The following NALF1 variants were observed in gnomAD, a reference collection of about 807,000 sequenced individuals.
NALF1 encodes the protein NALCN channel auxiliary factor 1.
NALF1 carries 3 observed loss-of-function variants against 48.4 expected under a neutral mutation model. The ratio of observed to expected loss-of-function variants is 0.06; its 90% confidence interval spans 0.03 to 0.16. NALF1 has a LOEUF of 0.16. Ranked by LOEUF, NALF1 falls within the 10% of genes least tolerant of loss-of-function variation. The probability of loss-of-function intolerance (pLI) is 1.00; values close to 1 mark genes in which losing one functional copy is unlikely to be tolerated. For missense variants in NALF1, 526 were observed against 571.5 expected, an observed-to-expected ratio of 0.92 and a Z score of 0.81; for synonymous variants, 262 against 245.7, an observed-to-expected ratio of 1.07 and a Z score of -0.62.
chr13:107,810,947 G>A (rs1257379389), intron 1 of NALF1, among the ~76,000 whole-genome samples: 1 of 152,032 alleles, frequency 6.6e-6, no homozygotes, highest in Non-Finnish European at 1.5e-5. Flanking sequence ...CCACTTATAT[G>A]TGCAAACATA....
chr13:107,400,007 T>C (rs1032858889), intron 1 of NALF1, among the ~76,000 whole-genome samples: 22 of 152,026 alleles, frequency 1.4e-4, no homozygotes, highest in African/African-American at 4.1e-4. Flanking sequence ...TGGTGTATAA[T>C]AAAAAAAGAC....
At chr13:107,304,197 C>T (rs1881893481) in intron 1 of NALF1, among the ~76,000 whole-genome samples, 1 of 152,126 alleles carries the variant, frequency 6.6e-6, no homozygotes, top group Admixed American at 6.6e-5. Flanking sequence ...CATCTGACCA[C>T]CTTCATGTGC....
intron 1 of NALF1, among the ~76,000 whole-genome samples, chr13:107,353,252 G>C (rs763176533): frequency 9.2e-5 from 14 of 152,300 alleles, no homozygotes; most frequent in Non-Finnish European, 1.8e-4. Context: ...TAATAAATTT[G>C]TATCCCTTTT....
At chr13:107,785,751 C>G (rs1479456496) in intron 1 of NALF1, among the ~76,000 whole-genome samples, 1 of 152,112 alleles carries the variant, frequency 6.6e-6, no homozygotes, top group East Asian at 1.9e-4. Context: ...ATAATGGTTC[C>G]CCTTTACAGA....
intron 1 of NALF1, among the ~76,000 whole-genome samples, chr13:107,236,663 ATCTG>A (rs199721704): frequency 8.9e-4 from 123 of 138,130 alleles, no homozygotes; most frequent in South Asian, 3.4e-3. Context: ...CTATCTATCC[ATCTG>A]TCTGTCTATC....
At chr13:107,425,449 A>AT (rs1420909926) in intron 1 of NALF1, among the ~76,000 whole-genome samples, 1 of 152,136 alleles carries the variant, frequency 6.6e-6, no homozygotes, top group Admixed American at 6.5e-5. Context: ...CTCATTTATT[A>AT]TTTTTTAAAG....
At chr13:107,671,337 C>CA in intron 1 of NALF1, among the ~76,000 whole-genome samples, 1 of 151,838 alleles carries the variant, frequency 6.6e-6, no homozygotes, top group South Asian at 2.1e-4. Context: ...TTTCATATAA[C>CA]AAAAATATAT....
At chr13:107,803,380 G>A (rs542243825) in intron 1 of NALF1, among the ~76,000 whole-genome samples, 1 of 152,118 alleles carries the variant, frequency 6.6e-6, no homozygotes, top group African/African-American at 2.4e-5. Flanking sequence ...ATTAGTGAGA[G>A]CCAACTGGCA....
chr13:107,346,294 A>G (rs1882771651), intron 1 of NALF1, among the ~76,000 whole-genome samples: 1 of 152,196 alleles, frequency 6.6e-6, no homozygotes, highest in African/African-American at 2.4e-5. Context: ...CAAAAGAATT[A>G]AAAACAGGAT....
intron 1 of NALF1, among the ~76,000 whole-genome samples, chr13:107,323,742 C>G: frequency 6.6e-6 from 1 of 152,160 alleles, no homozygotes; most frequent in East Asian, 1.9e-4. Flanking sequence ...TGAAAACATT[C>G]CATTGTGCTT....
intron 1 of NALF1, among the ~76,000 whole-genome samples, chr13:107,852,355 A>C (rs557083827): frequency 1.4e-4 from 21 of 152,304 alleles, no homozygotes; most frequent in African/African-American, 5.1e-4. Context: ...CCATATAATA[A>C]CAGCACTCAA....
At chr13:107,736,668 C>G (rs1316152890) in intron 1 of NALF1, among the ~76,000 whole-genome samples, 3 of 152,186 alleles carry the variant, frequency 2.0e-5, no homozygotes, top group Admixed American at 1.3e-4. Context: ...TTCTTTTCAG[C>G]TCAATCCTGC....
intron 1 of NALF1, among the ~76,000 whole-genome samples, chr13:107,708,713 C>CTTCT (rs112791040): frequency 6.6e-6 from 1 of 151,660 alleles, no homozygotes; most frequent in African/African-American, 2.4e-5. Context: ...TACCTTTTCT[C>CTTCT]TTTATTTATT....
intron 1 of NALF1, among the ~76,000 whole-genome samples, chr13:107,581,169 C>G (rs905226468): frequency 2.0e-5 from 3 of 152,180 alleles, no homozygotes; most frequent in African/African-American, 7.2e-5. Context: ...CTAAGGCAAG[C>G]TGACCACTGT....
chr13:107,769,177 A>G (rs1054305302), intron 1 of NALF1, among the ~76,000 whole-genome samples: 2 of 148,654 alleles, frequency 1.3e-5, no homozygotes, highest in African/African-American at 4.9e-5. Context: ...TGACCCAGCC[A>G]TCCCATTACT....
intron 1 of NALF1, among the ~76,000 whole-genome samples, chr13:107,261,256 T>C (rs557804478): frequency 1.2e-3 from 185 of 152,314 alleles, no homozygotes; most frequent in African/African-American, 4.2e-3. Flanking sequence ...TCTCTCATTT[T>C]ACCTTCCCTC....
intron 2 of NALF1, among the ~76,000 whole-genome samples, chr13:107,179,457 A>C (rs1879015602): frequency 6.6e-6 from 1 of 152,124 alleles, no homozygotes; most frequent in African/African-American, 2.4e-5. Flanking sequence ...TTGTTAATAC[A>C]ACAGGGTAAC....
intron 1 of NALF1, among the ~76,000 whole-genome samples, chr13:107,395,324 A>G (rs1883694404): frequency 6.6e-6 from 1 of 152,088 alleles, no homozygotes; most frequent in Admixed American, 6.6e-5. Flanking sequence ...AGCCCTGGAG[A>G]TGATTCCAGG....
chr13:107,365,050 CT>C (rs1426940327), intron 1 of NALF1, among the ~76,000 whole-genome samples: 1 of 139,914 alleles, frequency 7.1e-6, no homozygotes, highest in East Asian at 2.4e-4. Context: ...CCTTCTCTCT[CT>C]CCCTCTCCCT....
Sources: allele counts gnomAD v4.1 joint callset (sites outside exome capture counted in the v4.1 genomes callset), GRCh38; gene constraint gnomAD v4.1.1; transcripts MANE v1.5; gene names NCBI Gene and HGNC (gene_info 2026-07-23, HGNC 2026-07-21).